Variants in LRRC4C observed in about 807,000 individuals in gnomAD.
LRRC4C encodes the protein leucine-rich repeat-containing protein 4C.
A neutral mutation model predicts 33.6 loss-of-function variants in LRRC4C; 5 were observed. That is an observed-to-expected ratio of 0.15 (90% CI 0.08 to 0.31). The LOEUF (loss-of-function observed/expected upper bound fraction) is 0.31. Among genes scored for constraint, LRRC4C ranks in the 10% least tolerant of loss-of-function variants. The probability of loss-of-function intolerance (pLI) is 1.00; values close to 1 mark genes in which losing one functional copy is unlikely to be tolerated. For synonymous variants in LRRC4C, 329 were observed against 302.0 expected (o/e 1.09, Z -0.93); for missense variants, 560 against 796.7 (o/e 0.70, Z 3.58).
intron 1 of LRRC4C, among the ~76,000 whole-genome samples, chr11:41,245,995 G>A (rs183961745): frequency 2.4e-4 from 37 of 152,198 alleles, no homozygotes; most frequent in African/African-American, 7.9e-4. Context: ...AAAAGGCACC[G>A]TAAGTTCTCA....
chr11:40,682,762 A>AAATAAATG (rs1944756331), intron 2 of LRRC4C, among the ~76,000 whole-genome samples: 1 of 151,106 alleles, frequency 6.6e-6, no homozygotes, highest in Non-Finnish European at 1.5e-5. Flanking sequence ...ATAAATAAAT[A>AAATAAATG]AATAAATAAA....
intron 2 of LRRC4C, among the ~76,000 whole-genome samples, chr11:40,876,260 GTTTTTTTT>G (rs34351895): frequency 5.5e-5 from 5 of 91,296 alleles, no homozygotes; most frequent in Non-Finnish European, 9.9e-5. Flanking sequence ...CTCAGTTAGG[GTTTTTTTT>G]TTTTTTTTTT....
chr11:41,338,898 C>A (rs948724265), intron 1 of LRRC4C, among the ~76,000 whole-genome samples: 1 of 151,818 alleles, frequency 6.6e-6, no homozygotes, highest in Non-Finnish European at 1.5e-5. Context: ...AGATTTTTTT[C>A]TGTAATATTG....
intron 3 of LRRC4C, among the ~76,000 whole-genome samples, chr11:40,542,052 C>CTCTTTCTT (rs77820700): frequency 0.033 from 4,915 of 149,348 alleles, 107 homozygotes; most frequent in African/African-American, 0.049. Context: ...TTCTCTTTCT[C>CTCTTTCTT]TCTTTCTTTC....
chr11:41,169,453 A>T (rs1364860564), intron 1 of LRRC4C, among the ~76,000 whole-genome samples: 1 of 152,124 alleles, frequency 6.6e-6, no homozygotes, highest in Non-Finnish European at 1.5e-5. Context: ...ATTTTATCAC[A>T]TCCACTTCCA....
chr11:40,338,172 G>C (rs889778009), intron 3 of LRRC4C, among the ~76,000 whole-genome samples: 4 of 152,132 alleles, frequency 2.6e-5, no homozygotes, highest in African/African-American at 9.7e-5. Context: ...TGAGGATGTG[G>C]CTGTTTGGAA....
chr11:40,762,212 C>T (rs1199530758), intron 2 of LRRC4C, among the ~76,000 whole-genome samples: 1 of 152,116 alleles, frequency 6.6e-6, no homozygotes, highest in Non-Finnish European at 1.5e-5. Flanking sequence ...AAATGTAACA[C>T]TCATGTTGCA....
chr11:40,249,050 G>T (rs1866562766), intron 4 of LRRC4C, among the ~76,000 whole-genome samples: 1 of 151,936 alleles, frequency 6.6e-6, no homozygotes, highest in Non-Finnish European at 1.5e-5. Context: ...TAATCTCTTG[G>T]TTGGAGGCTA....
At chr11:40,657,993 G>T (rs1943218970) in intron 2 of LRRC4C, among the ~76,000 whole-genome samples, 1 of 152,156 alleles carries the variant, frequency 6.6e-6, no homozygotes, top group African/African-American at 2.4e-5. Flanking sequence ...ATGGAAGTAG[G>T]TACAAGTTGA....
chr11:40,813,722 T>C (rs1017332215), intron 2 of LRRC4C, among the ~76,000 whole-genome samples: 5 of 152,130 alleles, frequency 3.3e-5, no homozygotes, highest in African/African-American at 1.2e-4. Flanking sequence ...AGTTACTTAC[T>C]AGATACAATG....
chr11:41,059,305 C>T (rs892372554), intron 1 of LRRC4C, among the ~76,000 whole-genome samples: 5 of 138,268 alleles, frequency 3.6e-5, no homozygotes, highest in South Asian at 4.9e-4. Context: ...AACTTAGATA[C>T]GTTCCTTATC....
intron 4 of LRRC4C, among the ~76,000 whole-genome samples, chr11:40,273,964 G>C (rs968437380): frequency 9.2e-5 from 14 of 152,146 alleles, no homozygotes; most frequent in Non-Finnish European, 2.1e-4. Flanking sequence ...CACGAGGTAG[G>C]GGGCAGGTGG....
At chr11:40,749,257 A>G (rs1033394451) in intron 2 of LRRC4C, among the ~76,000 whole-genome samples, 1 of 152,136 alleles carries the variant, frequency 6.6e-6, no homozygotes, top group Non-Finnish European at 1.5e-5. Context: ...TTTAAGTGAA[A>G]TCATATCAAG....
At chr11:40,796,939 C>T (rs946831231) in intron 2 of LRRC4C, among the ~76,000 whole-genome samples, 1 of 152,078 alleles carries the variant, frequency 6.6e-6, no homozygotes, top group African/African-American at 2.4e-5. Flanking sequence ...AGCCACCACG[C>T]CTAAGCCATA....
At chr11:40,542,582 T>C (rs941594743) in intron 3 of LRRC4C, among the ~76,000 whole-genome samples, 3 of 152,144 alleles carry the variant, frequency 2.0e-5, no homozygotes, top group African/African-American at 7.2e-5. Context: ...TTTATAATAA[T>C]TTCCTGGCTT....
intron 1 of LRRC4C, among the ~76,000 whole-genome samples, chr11:41,203,205 G>A (rs1378889038): frequency 1.3e-5 from 2 of 152,160 alleles, no homozygotes; most frequent in Admixed American, 6.5e-5. Flanking sequence ...CTAGGAAATA[G>A]ACACTTGGAC....
intron 1 of LRRC4C, among the ~76,000 whole-genome samples, chr11:41,439,214 C>T (rs1955535646): frequency 6.6e-6 from 1 of 152,084 alleles, no homozygotes; most frequent in Non-Finnish European, 1.5e-5. Context: ...TGATTTTATT[C>T]TTTCTTATGG....
rs77520981 is a variant in LRRC4C, at chr11:40,375,762, C to G, written c.-269-56041G>C. 7.4e-3 allele frequency among the ~76,000 whole-genome samples: 1,120 copies of G among 152,272 alleles called. 13 individuals are homozygous for G. Among genetic ancestry groups the G allele is most frequent in the African/African-American group, 0.026 (1,062 of 41,552 alleles). On this transcript the variant is annotated intron_variant, in intron 3 of 6. Coordinates refer to ENST00000528697, the MANE Select transcript of LRRC4C (RefSeq NM_001258419.2). Reference sequence around the variant, plus strand: ...CGTAGACACAGATTCACTTCCTGTTCTCATTGAACTGACCAACGCTTGGGA... The same window carrying G: ...CGTAGACACAGATTCACTTCCTGTTGTCATTGAACTGACCAACGCTTGGGA...
At chr11:40,975,771 G>T (rs1852037704) in intron 1 of LRRC4C, among the ~76,000 whole-genome samples, 1 of 152,150 alleles carries the variant, frequency 6.6e-6, no homozygotes, top group African/African-American at 2.4e-5. Flanking sequence ...TTGGGATTTG[G>T]ATCCAGGCAG....
Sources: gnomAD v4.1 joint callset for allele counts (sites outside exome capture counted in the v4.1 genomes callset) on GRCh38, gnomAD v4.1.1 for gene constraint, MANE v1.5 for transcripts, NCBI Gene and HGNC (gene_info 2026-07-23, HGNC 2026-07-21) for gene names.